Variants in CYRIB observed in about 807,000 individuals in gnomAD.
CYRIB encodes CYFIP-related Rac1 interactor B.
A neutral mutation model predicts 44.2 loss-of-function variants in CYRIB; 8 were observed. The ratio of observed to expected loss-of-function variants is 0.18; its 90% CI spans 0.11 to 0.33. The LOEUF is 0.33. CYRIB is among the 10% of genes least tolerant of loss of function. The pLI is 1.00. For missense variants in CYRIB, 185 were observed against 382.8 expected, an observed-to-expected ratio of 0.48 and a Z score of 4.31; for synonymous variants, 131 against 127.2, an observed-to-expected ratio of 1.03 and a Z score of -0.20.
At chr8:129,954,395 G>T (rs1374081849) in intron 2 of CYRIB, among the ~76,000 whole-genome samples, 1 of 151,950 alleles carries the variant, frequency 6.6e-6, no homozygotes, top group Non-Finnish European at 1.5e-5. Flanking sequence ...GCTGATTTTT[G>T]TATTTTTAGT....
chr8:129,995,316 A>G (rs569616880), intron 1 of CYRIB, among the ~76,000 whole-genome samples: 2 of 152,214 alleles, frequency 1.3e-5, no homozygotes, highest in Non-Finnish European at 2.9e-5. Context: ...GAACAAAGGA[A>G]GTGTTTCTTC....
At chr8:129,847,862 C>T (rs1006527715) in intron 10 of CYRIB, among the ~76,000 whole-genome samples, 24 of 152,048 alleles carry the variant, frequency 1.6e-4, no homozygotes, top group African/African-American at 4.6e-4. Context: ...AGTGTAGTGG[C>T]GCAATCTTGG....
chr8:129,862,130 C>A, intron 5 of CYRIB, 99 bp downstream of exon 7: 2 of 830,576 alleles, frequency 2.4e-6, no homozygotes, highest in East Asian at 2.6e-5. Context: ...AGATACTAAG[C>A]CAAATTCAGC....
At chr8:129,875,727 T>C (rs929395776) in intron 3 of CYRIB, among the ~76,000 whole-genome samples, 7 of 152,230 alleles carry the variant, frequency 4.6e-5, no homozygotes, top group South Asian at 2.1e-4. Context: ...TCTCTGTCCA[T>C]GTTGTTCCTT....
chr8:129,880,024 G>A (rs1264247202), intron 2 of CYRIB, among the ~76,000 whole-genome samples: 1 of 152,110 alleles, frequency 6.6e-6, no homozygotes, highest in African/African-American at 2.4e-5. Context: ...CTGATTCAAG[G>A]TATGCAGCAC....
At chr8:129,951,530 C>T in intron 2 of CYRIB, among the ~76,000 whole-genome samples, 1 of 151,834 alleles carries the variant, frequency 6.6e-6, no homozygotes, top group Non-Finnish European at 1.5e-5. Flanking sequence ...CATGGTGAAA[C>T]CCCGTTTCTA....
At chr8:129,983,780 G>T (rs997383444) in intron 1 of CYRIB, among the ~76,000 whole-genome samples, 6 of 152,228 alleles carry the variant, frequency 3.9e-5, no homozygotes, top group African/African-American at 1.4e-4. Context: ...CGCATCGCCG[G>T]GCTCCGCGAG....
At chr8:130,012,930 G>A (rs2097259161) in intron 1 of CYRIB, among the ~76,000 whole-genome samples, 1 of 152,148 alleles carries the variant, frequency 6.6e-6, no homozygotes, top group Non-Finnish European at 1.5e-5. Flanking sequence ...CCCAGAGAAG[G>A]ATGAAAAACA....
At chr8:129,868,891 T>TAAAA (rs34829895) in intron 4 of CYRIB, among the ~76,000 whole-genome samples, 1 of 119,986 alleles carries the variant, frequency 8.3e-6, no homozygotes. Flanking sequence ...GTACTGCAAT[T>TAAAA]AAAAAAAAAA....
At chr8:129,842,257 G>C in intron 11 of CYRIB, 52 bp from the exon 14 acceptor site, 2 of 1,290,822 alleles carry the variant, frequency 1.5e-6, no homozygotes, top group Non-Finnish European at 2.2e-6. Context: ...AAAATAATCA[G>C]CATCGGGTTC....
intron 1 of CYRIB, among the ~76,000 whole-genome samples, chr8:130,011,695 T>C (rs139869120): frequency 0.13 from 19,631 of 150,732 alleles, 1,454 homozygotes; most frequent in South Asian, 0.31. Context: ...TAGCCAGGCA[T>C]GGTGGCGGGT....
chr8:129,966,006 C>T (rs554709176), intron 2 of CYRIB, among the ~76,000 whole-genome samples: 1 of 152,056 alleles, frequency 6.6e-6, no homozygotes, highest in South Asian at 2.1e-4. Flanking sequence ...CAGGTGTGGG[C>T]CACAACACCC....
intron 1 of CYRIB, among the ~76,000 whole-genome samples, chr8:130,007,645 G>A (rs188205828): frequency 2.6e-5 from 4 of 152,234 alleles, no homozygotes; most frequent in East Asian, 1.9e-4. Flanking sequence ...TTAGCTGGGC[G>A]TGGTGGCACA....
chr8:129,915,447 C>G (rs1265734622), intron 1 of CYRIB, among the ~76,000 whole-genome samples: 1 of 152,102 alleles, frequency 6.6e-6, no homozygotes, highest in Non-Finnish European at 1.5e-5. Context: ...CTGGGCAACA[C>G]AGTGAGACCC....
At chr8:129,856,235 T>C (rs79226800) in intron 5 of CYRIB, among the ~76,000 whole-genome samples, 2,534 of 152,296 alleles carry the variant, frequency 0.017, 61 homozygotes, top group African/African-American at 0.053. Context: ...AACTGTTTGC[T>C]TTCAGCTACT....
intron 2 of CYRIB, among the ~76,000 whole-genome samples, chr8:129,959,071 A>C (rs2095074273): frequency 6.7e-6 from 1 of 149,676 alleles, no homozygotes; most frequent in African/African-American, 2.4e-5. Context: ...AAAAAAAAAA[A>C]AAAAAAAAAA....
At chr8:129,870,278 G>T (rs185890429) in intron 4 of CYRIB, among the ~76,000 whole-genome samples, 2 of 152,314 alleles carry the variant, frequency 1.3e-5, no homozygotes, top group East Asian at 1.9e-4. Context: ...GATCAGCCAG[G>T]CATGGTGGTG....
chr8:129,886,839 C>T (rs1225929395), intron 2 of CYRIB, among the ~76,000 whole-genome samples: 1 of 152,090 alleles, frequency 6.6e-6, no homozygotes, highest in East Asian at 1.9e-4. Context: ...TTCTTGCTAC[C>T]CTCACTTCCT....
intron 1 of CYRIB, among the ~76,000 whole-genome samples, chr8:130,006,477 TA>T (rs933228872): frequency 7.2e-6 from 1 of 139,774 alleles, no homozygotes; most frequent in African/African-American, 2.7e-5. Flanking sequence ...TAAAATAAAA[TA>T]AAATATATAT....
Sources: gnomAD v4.1 joint callset for allele counts (sites outside exome capture counted in the v4.1 genomes callset) on GRCh38, gnomAD v4.1.1 for gene constraint, MANE v1.5 for transcripts, NCBI Gene and HGNC (gene_info 2026-07-23, HGNC 2026-07-21) for gene names.